Variants in FLT4 observed in about 807,000 individuals in gnomAD.
FLT4 encodes the protein vascular endothelial growth factor receptor 3.
A neutral mutation model predicts 163.2 loss-of-function variants in FLT4; 30 were observed. The observed-to-expected ratio is 0.18, with a 90% CI of 0.14 to 0.25. The LOEUF (loss-of-function observed/expected upper bound fraction) is 0.25, where lower values mean the gene tolerates loss of function less well. Among genes scored for constraint, FLT4 ranks in the 10% least tolerant of loss-of-function variants. FLT4 has a pLI of 1.00. For synonymous variants in FLT4, 884 were observed against 789.5 expected, an observed-to-expected ratio of 1.12 and a Z score of -2.01; for missense variants, 1,510 against 1,863.8, an observed-to-expected ratio of 0.81 and a Z score of 3.50.
At chr5:180,622,012 G>C (rs1301341622) in intron 12 of FLT4, 108 bp from the exon 13 acceptor site, 1 of 1,413,576 alleles carries the variant, frequency 7.1e-7, no homozygotes, top group Non-Finnish European at 9.6e-7. Context: ...CTCTCCTGGA[G>C]GGGCCCCAGC....
chr5:180,642,308 A>G (rs1765191241), intron 1 of FLT4, among the ~76,000 whole-genome samples: 1 of 151,626 alleles, frequency 6.6e-6, no homozygotes, highest in Non-Finnish European at 1.5e-5. Context: ...CTGCTGTATC[A>G]CTGTGACCCT....
intron 24 of FLT4, 93 bp downstream of exon 24, chr5:180,613,975 G>C: frequency 1.1e-6 from 1 of 890,702 alleles, no homozygotes; most frequent in Non-Finnish European, 1.9e-6. Context: ...ACACCTCCAG[G>C]TGCCCAGTCC....
intron 29 of FLT4, among the ~76,000 whole-genome samples, chr5:180,605,142 A>G (rs1761721135): frequency 6.6e-6 from 1 of 152,134 alleles, no homozygotes; most frequent in South Asian, 2.1e-4. Context: ...TAAAATTACT[A>G]TTTGTAGAGA....
intron 29 of FLT4, among the ~76,000 whole-genome samples, chr5:180,608,464 C>T (rs183425608): frequency 2.0e-5 from 3 of 152,298 alleles, no homozygotes; most frequent in Admixed American, 2.0e-4. Flanking sequence ...CCAGGCCCAG[C>T]TGTTTTCTCT....
In FLT4 at chr5:180,630,287, T is replaced by C. The variant is rs1201771055; in HGVS notation, c.451A>G (p.Lys151Glu). 2 of 1,612,574 alleles carry C rather than the reference T, an allele frequency of 1.2e-6. No individual in the cohort carries two copies. Among genetic ancestry groups the C allele is most frequent in the Admixed American group, 1.7e-5 (1 of 60,020 alleles). ...AGACAGGGCACCCACATGGCGTCCT[T>C]CCTGTTGACCAAGAGCGTGTCAGGC... The part of the protein sequence containing the change: ...NKPDTLLVNR[K>E]DAMWVPCLVS... The change falls in exon 4 of 30, where the codon AAG (lysine) becomes GAG (glutamate). Residue 151 changes from lysine to glutamate, a missense_variant. Coordinates refer to ENST00000261937, the MANE Select transcript of FLT4 (RefSeq NM_182925.5). This position sits in a 1 kb window ranked among gnomAD's most constrained non-coding sequence, Gnocchi z 6.3.
rs556312299 is a variant in FLT4, at chr5:180,614,240, C to T, written c.3220-61G>A. On this transcript the variant is annotated intron_variant, in intron 23 of 29. Transcript: ENST00000261937. ...TGGGGAGACGGAGGGAAGCGTGTCC[C>T]GTGGTGGATGGGGAGACGGAGGGAA... 6 of 1,191,876 alleles carry T rather than the reference C, an allele frequency of 5.0e-6. No individual in the cohort carries two copies. In the East Asian group the frequency reaches 7.1e-5, roughly 14 times the overall value. The allele number at this position is 1,191,876 out of a possible 1,614,324, so 73.8% of individuals were successfully genotyped here. A position where few individuals can be genotyped will look rare whatever the true frequency, so the allele number is the denominator to read the frequency against.
Position 180,628,951 on chromosome 5 carries a change from G to A in FLT4, c.1034C>T (p.Ala345Val), listed in dbSNP as rs2127833409. ...VEWLKGPILE[A>V]TAGDELVKLP... ...CTTCACCAGCTCGTCTCCTGCCGTGGCCTCCAGGATGGGTCCTTTGAGCCA... is the reference window on the plus strand; with the variant it reads ...CTTCACCAGCTCGTCTCCTGCCGTGACCTCCAGGATGGGTCCTTTGAGCCA... Residue 345 changes from alanine (A) to valine (V), a missense_variant, in exon 8 of 30, where the codon GCC (alanine) becomes GTC (valine). Physicochemically the swap from Ala to Val is moderately conservative, Grantham distance 64. Coordinates refer to ENST00000261937, the MANE Select transcript of FLT4 (RefSeq NM_182925.5). The A allele has an allele frequency of 6.2e-7, 1 of 1,612,754 alleles. No homozygotes were observed. Among genetic ancestry groups the A allele is most frequent in the Non-Finnish European group, 8.5e-7 (1 of 1,179,944 alleles).
intron 11 of FLT4, 90 bp from the exon 12 acceptor site, chr5:180,622,929 C>CA (rs935119173): frequency 6.7e-6 from 5 of 751,538 alleles, no homozygotes; most frequent in Non-Finnish European, 1.1e-5. Context: ...CTGTGCACCA[C>CA]CCCCCCCAAT....
rs1476468000 is a variant in FLT4 at position 180,602,935 on chromosome 5, GAACT to G, written c.*253_*256del. 1.7e-6 allele frequency: 1 copy of G among 596,900 alleles called. No homozygotes were observed. Among genetic ancestry groups the G allele is most frequent in the Non-Finnish European group, 3.0e-6 (1 of 334,500 alleles). 37.0% of individuals were successfully genotyped at this position (596,900 alleles called of 1,614,324 possible). A position where few individuals can be genotyped will look rare whatever the true frequency, so the allele number is the denominator to read the frequency against. On this transcript the variant is annotated 3_prime_UTR_variant, in exon 30 of 30. Coordinates refer to ENST00000261937, the MANE Select transcript of FLT4 (RefSeq NM_182925.5). ...CCCGGGACCAGCACCTGCGGATGCT[GAACT>G]AAATGACATCTGAATCTCAGGGGGA... is the stretch of plus-strand genomic sequence containing the variant.
chr5:180,644,873 G>T (rs1765395956), intron 1 of FLT4, among the ~76,000 whole-genome samples: 1 of 152,268 alleles, frequency 6.6e-6, no homozygotes. Flanking sequence ...CCACCTGAAA[G>T]TCTGAGGCAC....
chr5:180,615,946 C>T (rs879174608), intron 23 of FLT4, among the ~76,000 whole-genome samples: 3 of 3,748 alleles, frequency 8.0e-4, no homozygotes, highest in African/African-American at 1.1e-3. Context: ...CACTTCCTTT[C>T]GGAGCACTGG....
At chr5:180,604,245 C>T (rs1403480214) in intron 29 of FLT4, among the ~76,000 whole-genome samples, 1 of 152,180 alleles carries the variant, frequency 6.6e-6, no homozygotes, top group East Asian at 1.9e-4. Flanking sequence ...CTCACTCTGT[C>T]TTGCCCATCT....
At chr5:180,641,027 G>A (rs1405348910) in intron 1 of FLT4, among the ~76,000 whole-genome samples, 1 of 152,186 alleles carries the variant, frequency 6.6e-6, no homozygotes, top group Non-Finnish European at 1.5e-5. Flanking sequence ...AGAACTAGCT[G>A]CATCCTCGCA....
chr5:180,619,426 C>CAGGCCGCTTAGCTAAGGCACAG, intron 18 of FLT4, 60 bp from the exon 19 acceptor site: 1 of 1,390,156 alleles, frequency 7.2e-7, no homozygotes, highest in Non-Finnish European at 1.0e-6. Flanking sequence ...TTCCCCGCCA[C>CAGGCCGCTTAGCTAAGGCACAG]CCGGCGCTTT....
At chr5:180,618,413 G>A (rs868428485) in intron 21 of FLT4, among the ~76,000 whole-genome samples, 5 of 132,204 alleles carry the variant, frequency 3.8e-5, no homozygotes, top group Non-Finnish European at 8.3e-5. Flanking sequence ...CTCAGCCTCT[G>A]GGACACCCAC....
chr5:180,612,545 C>T lies in FLT4; in HGVS notation c.3498G>A (p.Val1166=), dbSNP rs1336166799. Residue 1166 remains valine (V), a synonymous_variant, in exon 26 of 30, where the codon GTG becomes GTA. Transcript: ENST00000261937. ...PKARPAFSEL[V]EILGDLLQGR... ...CCTGGAGCAGGTCCCCCAGGATCTC[C>T]ACCAGCTCCGAGAATGCAGGTCTCG... is the stretch of plus-strand genomic sequence containing the variant. 1 of 1,614,080 alleles carries T rather than the reference C, an allele frequency of 6.2e-7. No homozygotes were observed. The highest frequency in any genetic ancestry group is 1.1e-5 in the South Asian group (1 of 91,088).
Position 180,626,104 on chromosome 5 carries a change from G to A in FLT4, c.1258+7C>T. 3 of 1,612,810 alleles carry A rather than the reference G, an allele frequency of 1.9e-6. No homozygotes were observed. The highest frequency in any genetic ancestry group is 2.5e-6 in the Non-Finnish European group (3 of 1,180,004). ...CCCACCCGTGCGCTCTCCCGTCCCT[G>A]ACCTACCATTCACCACCAGCTCCAG... On this transcript the variant is annotated splice_region_variant and intron_variant, in intron 9 of 29. Coordinates refer to ENST00000261937, the MANE Select transcript of FLT4 (RefSeq NM_182925.5).
At chr5:180,644,977 G>A (rs754168254) in intron 1 of FLT4, among the ~76,000 whole-genome samples, 2 of 152,252 alleles carry the variant, frequency 1.3e-5, no homozygotes, top group African/African-American at 2.4e-5. Flanking sequence ...GTCTCCCAAA[G>A]GGCACGTCCA....
In FLT4 at chr5:180,615,698, CTCCACTTCCGAAA is replaced by C. The variant is rs1243507601; in HGVS notation, c.3219+656_3219+668del. Among the ~76,000 whole-genome samples the C allele has an allele frequency of 2.0e-3, 177 of 90,744 alleles. 5 individuals carry two copies. Among genetic ancestry groups the C allele is most frequent in the Non-Finnish European group, 2.6e-3 (115 of 43,914 alleles). The allele number at this position is 90,744 out of a possible 152,430, so 59.5% of individuals were successfully genotyped here. A position where few individuals can be genotyped will look rare whatever the true frequency, so the allele number is the denominator to read the frequency against. On this transcript the variant is annotated intron_variant, in intron 23 of 29. Transcript: ENST00000261937. ...ACTGGGCCTGCCGGTCACCTCCCTT[CTCCACTTCCGAAA>C]TCCACTTCCTTTCGGAGCACTGGGC...
Sources: allele counts gnomAD v4.1 joint callset (sites outside exome capture counted in the v4.1 genomes callset), GRCh38; gene constraint gnomAD v4.1.1; non-coding constraint Gnocchi (gnomAD v3.1); transcripts MANE v1.5; gene names NCBI Gene and HGNC (gene_info 2026-07-23, HGNC 2026-07-21).